Variants in RASSF8 observed in about 807,000 individuals in gnomAD.
RASSF8 encodes the protein Ras association domain family member 8.
RASSF8 carries 22 observed loss-of-function variants against 48.5 expected under a neutral mutation model. That is an observed-to-expected ratio of 0.45 (90% CI 0.32 to 0.65). RASSF8 has a LOEUF of 0.65. RASSF8 is among the 30% of genes least tolerant of loss of function. The pLI is 0.03. For synonymous variants in RASSF8, 127 were observed against 171.5 expected, an observed-to-expected ratio of 0.74 and a Z score of 2.03; for missense variants, 418 against 489.2, an observed-to-expected ratio of 0.85 and a Z score of 1.37.
In RASSF8 at chr12:26,068,742, G is replaced by C; in HGVS notation, c.1184G>C (p.Arg395Pro). The C allele has an allele frequency of 6.5e-7, 1 of 1,537,222 alleles. No individual in the cohort carries two copies. Among genetic ancestry groups the C allele is most frequent in the Non-Finnish European group, 8.7e-7 (1 of 1,146,874 alleles). ...SGSLKRPGSSRQLPSNLRILQ... is the reference protein window; with the variant it reads ...SGSLKRPGSSPQLPSNLRILQ... ...TCCCTGAAGCGACCTGGTTCATCTCGGCAGCTCCCCAGTAATCTCCGCATT... is the reference window on the plus strand; with the variant it reads ...TCCCTGAAGCGACCTGGTTCATCTCCGCAGCTCCCCAGTAATCTCCGCATT... The change falls in exon 6 of 6, where the codon CGG (arginine) becomes CCG (proline). Residue 395 changes from arginine (R) to proline (P), a missense_variant. Arg to Pro is a moderately radical substitution (Grantham distance 103). Coordinates refer to ENST00000689635, the MANE Select transcript of RASSF8 (RefSeq NM_001394098.1).
At chr12:25,981,259 AAG>A (rs1849484286) in intron 1 of RASSF8, among the ~76,000 whole-genome samples, 1 of 152,120 alleles carries the variant, frequency 6.6e-6, no homozygotes, top group Non-Finnish European at 1.5e-5. Context: ...ATATCCAGGG[AAG>A]AGAGTCTAGT....
At chr12:25,962,237 C>G (rs901315286) in intron 1 of RASSF8, among the ~76,000 whole-genome samples, 1 of 152,166 alleles carries the variant, frequency 6.6e-6, no homozygotes, top group Non-Finnish European at 1.5e-5. Context: ...AGACTAGCCT[C>G]AGGCCTGTGG....
downstream of RASSF8, among the ~76,000 whole-genome samples, chr12:26,073,815 TACACATACAC>T (rs1488477859): frequency 4.5e-4 from 39 of 85,756 alleles, no homozygotes; most frequent in African/African-American, 2.4e-3. Context: ...CACATATATA[TACACATACAC>T]ACACACACAC....
intron 2 of RASSF8, among the ~76,000 whole-genome samples, chr12:26,022,167 A>G (rs917610062): frequency 1.3e-5 from 2 of 152,232 alleles, no homozygotes; most frequent in Admixed American, 6.5e-5. Flanking sequence ...TGGTTGAGCT[A>G]CAAAGCTGAG....
chr12:26,038,298 C>G (rs1943193629), intron 2 of RASSF8, among the ~76,000 whole-genome samples: 1 of 152,048 alleles, frequency 6.6e-6, no homozygotes, highest in South Asian at 2.1e-4. Context: ...CAAAAATAAG[C>G]TAAAAACTGT....
chr12:26,033,947 G>A (rs1174885901), intron 2 of RASSF8, among the ~76,000 whole-genome samples: 1 of 152,086 alleles, frequency 6.6e-6, no homozygotes, highest in Non-Finnish European at 1.5e-5. Context: ...ATTCTGAGTC[G>A]TTGTATGTGC....
In RASSF8 at chr12:26,069,892, T is replaced by A. The variant is rs1356911274; in HGVS notation, c.*1074T>A. ...AAAGGAGGTTAAACCTAGGTACTTT[T>A]TAGCAAGGATATAAAGTCAAATTCA... is the stretch of plus-strand genomic sequence containing the variant. On this transcript the variant is annotated 3_prime_UTR_variant, in exon 6 of 6. Coordinates refer to ENST00000689635, the MANE Select transcript of RASSF8 (RefSeq NM_001394098.1). The A allele has an allele frequency of 1.0e-6, 1 of 982,208 alleles. No homozygotes were observed. The highest frequency in any genetic ancestry group is 1.2e-6 in the Non-Finnish European group (1 of 827,076). 60.8% of individuals were successfully genotyped at this position (982,208 alleles called of 1,614,324 possible). A position where few individuals can be genotyped will look rare whatever the true frequency, so the allele number is the denominator to read the frequency against.
chr12:26,069,155 G>C lies in RASSF8; in HGVS notation c.*337G>C. 1.0e-6 allele frequency: 1 copy of C among 991,378 alleles called. No individual in the cohort carries two copies. Among genetic ancestry groups the C allele is most frequent in the African/African-American group, 1.7e-5 (1 of 57,544 alleles). 61.4% of individuals were successfully genotyped at this position (991,378 alleles called of 1,614,324 possible). ...CTTAAGTAAGAGTGAAGAGAAATTT[G>C]TGACTGGCTTAGTTTAATTTATTTC... On this transcript the variant is annotated 3_prime_UTR_variant, in exon 6 of 6. Transcript: ENST00000689635.
At chr12:26,026,502 C>T (rs1036127731) in intron 2 of RASSF8, among the ~76,000 whole-genome samples, 2 of 152,070 alleles carry the variant, frequency 1.3e-5, no homozygotes, top group Admixed American at 6.6e-5. Context: ...GTGGCGTGAT[C>T]TCAGCTCACT....
chr12:25,960,756 T>C (rs925243293), intron 1 of RASSF8, among the ~76,000 whole-genome samples: 6 of 152,218 alleles, frequency 3.9e-5, no homozygotes, highest in African/African-American at 1.2e-4. Flanking sequence ...GGTTTATTGA[T>C]CAAATCTTAT....
At chr12:25,969,486 TTA>T (rs1407000003) in intron 1 of RASSF8, among the ~76,000 whole-genome samples, 1 of 152,144 alleles carries the variant, frequency 6.6e-6, no homozygotes, top group Non-Finnish European at 1.5e-5. Flanking sequence ...CACTCTGCTG[TTA>T]TATGGAAAGT....
At chr12:26,057,259 C>T (rs1214910180) in intron 3 of RASSF8, among the ~76,000 whole-genome samples, 2 of 152,138 alleles carry the variant, frequency 1.3e-5, no homozygotes, top group African/African-American at 4.8e-5. Flanking sequence ...GATATTTCTC[C>T]TAATGCTATC....
intron 3 of RASSF8, among the ~76,000 whole-genome samples, chr12:26,063,871 A>G (rs1943803397): frequency 6.6e-6 from 1 of 151,440 alleles, no homozygotes; most frequent in South Asian, 2.1e-4. Flanking sequence ...TTTGTTTGTC[A>G]TGGGTGTCCA....
Position 26,001,266 on chromosome 12 carries a change from C to A in RASSF8, c.-109+6136C>A, listed in dbSNP as rs532329019. Reference sequence around the variant, plus strand: ...CCCAGGCTGGAGTTGAACTCCTGGGCTCAAGCAGTCCAACCACCTCAGCCT... The same window carrying A: ...CCCAGGCTGGAGTTGAACTCCTGGGATCAAGCAGTCCAACCACCTCAGCCT... On this transcript the variant is annotated intron_variant, in intron 2 of 5. Transcript: ENST00000689635. Among the ~76,000 whole-genome samples, 12 of 149,504 alleles carry A rather than the reference C, an allele frequency of 8.0e-5. No homozygotes were observed. The South Asian group carries it at 2.5e-3, about 32-fold the overall frequency.
At chr12:26,040,623 A>G (rs1326160671) in intron 2 of RASSF8, among the ~76,000 whole-genome samples, 1 of 152,128 alleles carries the variant, frequency 6.6e-6, no homozygotes, top group Non-Finnish European at 1.5e-5. Flanking sequence ...CATCTGTCCC[A>G]TGCCACACTG....
At chr12:26,079,121 G>A (rs1377109866) in exon 6 of RASSF8, 7 of 1,384,344 alleles carry the variant, frequency 5.1e-6, no homozygotes, top group African/African-American at 1.5e-5. Flanking sequence ...GAACAAGTGG[G>A]ACTACATTAA....
chr12:26,036,209 A>G (rs1346529435), intron 2 of RASSF8, among the ~76,000 whole-genome samples: 1 of 151,888 alleles, frequency 6.6e-6, no homozygotes, highest in African/African-American at 2.4e-5. Context: ...AAGATCAGCA[A>G]TGGCAGAGAC....
intron 1 of RASSF8, among the ~76,000 whole-genome samples, chr12:25,983,749 G>C (rs574268851): frequency 3.2e-4 from 48 of 152,116 alleles, no homozygotes; most frequent in Non-Finnish European, 7.1e-4. Context: ...AAAGCATAAG[G>C]CATTTTTTAT....
Position 26,064,683 on chromosome 12 carries a change from C to T in RASSF8, c.289C>T (p.Pro97Ser). 1 of 1,614,010 alleles carries T rather than the reference C, an allele frequency of 6.2e-7. No individual in the cohort carries two copies. Among genetic ancestry groups the T allele is most frequent in the Non-Finnish European group, 8.5e-7 (1 of 1,179,962 alleles). ...CACTTCAGACAGTGTGGCTCGAATT[C>T]CTGAAAGAACTTTATACAGGCAGAG... Reference protein sequence around the residue: ...RPTSDSVARIPERTLYRQSLP... With the variant: ...RPTSDSVARISERTLYRQSLP... Residue 97 changes from proline (P) to serine (S), a missense_variant, in exon 4 of 6, where the codon CCT (proline) becomes TCT (serine). Pro to Ser is a moderately conservative substitution (Grantham distance 74, BLOSUM62 -1). Transcript: ENST00000689635.
Sources: allele counts gnomAD v4.1 joint callset (sites outside exome capture counted in the v4.1 genomes callset), GRCh38; gene constraint gnomAD v4.1.1; transcripts MANE v1.5; gene names NCBI Gene and HGNC (gene_info 2026-07-23, HGNC 2026-07-21).